The following PSMG4 variants were observed in gnomAD, a reference collection of about 807,000 sequenced individuals.
PSMG4 encodes the protein proteasome (prosome, macropain) assembly chaperone 4.
PSMG4 carries 10 observed loss-of-function variants against 11.0 expected under a neutral mutation model. The observed-to-expected ratio is 0.91, with a 90% CI of 0.56 to 1.54. The LOEUF is 1.54. Among genes scored for constraint, PSMG4 ranks in the 40% most tolerant of loss-of-function variants. The pLI, the probability that PSMG4 is intolerant of heterozygous loss-of-function variation, is 0.00. For synonymous variants in PSMG4, 95 were observed against 71.3 expected, an observed-to-expected ratio of 1.33 and a Z score of -1.68; for missense variants, 198 against 160.9, an observed-to-expected ratio of 1.23 and a Z score of -1.25.
upstream of PSMG4, among the ~76,000 whole-genome samples, chr6:3,256,373 C>T (rs4339507): frequency 0.68 from 103,919 of 152,168 alleles, 38,750 homozygotes; most frequent in Non-Finnish European, 0.83. Flanking sequence ...CCTTTATTTT[C>T]TGTTCCTGTA....
At chr6:3,258,829 G>A (rs1757849727), upstream of PSMG4, 3 of 440,210 alleles carry the variant, frequency 6.8e-6, no homozygotes, top group Non-Finnish European at 1.1e-5. Flanking sequence ...AGGGCCGGCA[G>A]CCGCCCCGCC....
chr6:3,261,774 T>C (rs11242841), intron 1 of PSMG4, among the ~76,000 whole-genome samples: 103,710 of 151,856 alleles, frequency 0.68, 38,408 homozygotes, highest in Non-Finnish European at 0.83. Context: ...ACTGTCCACC[T>C]GTGACCCGTG....
intron 1 of PSMG4, among the ~76,000 whole-genome samples, chr6:3,259,432 C>T (rs1757888129): frequency 6.6e-6 from 1 of 152,270 alleles, no homozygotes; most frequent in Admixed American, 6.5e-5. Context: ...CTGCGTCCCG[C>T]ACTGGTCTCT....
chr6:3,254,523 G>A (rs942626950), upstream of PSMG4, among the ~76,000 whole-genome samples: 6 of 151,982 alleles, frequency 3.9e-5, no homozygotes, highest in Non-Finnish European at 5.9e-5. Flanking sequence ...TTTATGAGCT[G>A]TAACAATTAT....
At chr6:3,258,880 C>T (rs1757851816), upstream of PSMG4, 4 of 823,286 alleles carry the variant, frequency 4.9e-6, no homozygotes, top group Non-Finnish European at 6.5e-6. Flanking sequence ...CGCCCCTCCC[C>T]GACCACGCCC....
upstream of PSMG4, chr6:3,258,862 C>T (rs999365429): frequency 4.7e-6 from 3 of 638,950 alleles, no homozygotes; most frequent in Non-Finnish European, 6.7e-6. Context: ...CCAACCCAAG[C>T]CCGGGATCGC....
chr6:3,260,283 A>ATG (rs1561840875), intron 1 of PSMG4, among the ~76,000 whole-genome samples: 1 of 30,224 alleles, frequency 3.3e-5, no homozygotes, highest in Non-Finnish European at 6.5e-5. Context: ...AATTGTATAT[A>ATG]TATATATATT....
At chr6:3,259,353 C>G (rs1333164049) in intron 1 of PSMG4, among the ~76,000 whole-genome samples, 157 bp downstream of exon 1, 3 of 152,200 alleles carry the variant, frequency 2.0e-5, no homozygotes, top group African/African-American at 2.4e-5. Flanking sequence ...CCGCGGGCGC[C>G]AGGGCCTGCA....
upstream of PSMG4, among the ~76,000 whole-genome samples, chr6:3,254,497 T>C (rs994216110): frequency 1.3e-5 from 2 of 152,026 alleles, no homozygotes; most frequent in Non-Finnish European, 2.9e-5. Context: ...TGGTGGTTTT[T>C]TGTGTATGTG....
In PSMG4 at chr6:3,267,750, A is replaced by C; in HGVS notation, c.*38A>C. 6.5e-7 allele frequency: 1 copy of C among 1,537,678 alleles called. No individual in the cohort carries two copies. The highest frequency in any genetic ancestry group is 8.8e-7 in the Non-Finnish European group (1 of 1,137,438). ...AGTGAGAATTTGTAAACTTATGTAC[A>C]ATGTACGTGTAAATAAATGGATTGA... On this transcript the variant is annotated 3_prime_UTR_variant, in exon 3 of 3. Transcript: ENST00000438998.
chr6:3,254,961 G>GCT, upstream of PSMG4: 1 of 1,399,498 alleles, frequency 7.1e-7, no homozygotes, highest in Non-Finnish European at 9.6e-7. Context: ...GGGTGTTGCA[G>GCT]AGCATGTGAT....
chr6:3,255,802 A>T (rs1757742631), upstream of PSMG4, among the ~76,000 whole-genome samples: 1 of 152,256 alleles, frequency 6.6e-6, no homozygotes, highest in Non-Finnish European at 1.5e-5. Flanking sequence ...CTTTTCAGAC[A>T]GGGCAGAGAT....
At chr6:3,263,785 T>G (rs1200374874) in intron 2 of PSMG4, 26 bp downstream of exon 2, 1 of 1,546,398 alleles carries the variant, frequency 6.5e-7, no homozygotes, top group South Asian at 1.2e-5. Flanking sequence ...TGGCGCTGCA[T>G]GGCCAGCCAG....
chr6:3,256,242 C>T (rs1224427953), upstream of PSMG4, among the ~76,000 whole-genome samples: 4 of 152,312 alleles, frequency 2.6e-5, no homozygotes, highest in South Asian at 2.1e-4. Context: ...CCCTATAGGG[C>T]ACAGATCCAA....
chr6:3,259,593 A>G (rs1390829162), intron 1 of PSMG4, among the ~76,000 whole-genome samples: 1 of 152,184 alleles, frequency 6.6e-6, no homozygotes, highest in Non-Finnish European at 1.5e-5. Context: ...ATTTCGCACT[A>G]GGCACACATC....
intron 2 of PSMG4, chr6:3,266,957 G>C (rs1020472255): frequency 6.6e-6 from 1 of 151,116 alleles, no homozygotes; most frequent in Non-Finnish European, 1.5e-5. Flanking sequence ...CCGGGTTCAC[G>C]CCATTCTCCT....
At chr6:3,258,782 G>C (rs1757847633), upstream of PSMG4, 1 of 369,096 alleles carries the variant, frequency 2.7e-6, no homozygotes, top group Non-Finnish European at 4.8e-6. Context: ...GTGTGCGGGA[G>C]AGGCCAGCAA....
intron 1 of PSMG4, among the ~76,000 whole-genome samples, chr6:3,262,816 C>T (rs1758041555): frequency 6.8e-6 from 1 of 146,286 alleles, no homozygotes; most frequent in Non-Finnish European, 1.5e-5. Flanking sequence ...CCTTTGGAAG[C>T]TAGACCTTCT....
At chr6:3,264,480 C>T (rs1214946446) in intron 2 of PSMG4, 19 of 1,361,780 alleles carry the variant, frequency 1.4e-5, no homozygotes, top group East Asian at 2.5e-5. Context: ...GACCTGGTAC[C>T]TGACAAGCAG....
Sources: gnomAD v4.1 joint callset for allele counts (sites outside exome capture counted in the v4.1 genomes callset) on GRCh38, gnomAD v4.1.1 for gene constraint, MANE v1.5 for transcripts, NCBI Gene and HGNC (gene_info 2026-07-23, HGNC 2026-07-21) for gene names.